Variants in DPP6 observed in about 807,000 individuals in gnomAD.
DPP6 encodes dipeptidyl peptidase like 6, also known as A-type potassium channel modulatory protein DPP6.
Under a neutral mutation model 122.6 loss-of-function variants are expected in DPP6, and 69 were observed. The observed-to-expected ratio is 0.56, with a 90% CI of 0.46 to 0.69. DPP6 has a LOEUF of 0.69. DPP6 is among the 30% of genes least tolerant of loss of function. The probability of loss-of-function intolerance (pLI) is 0.00; values close to 1 mark genes in which losing one functional copy is unlikely to be tolerated. For missense variants in DPP6, 928 were observed against 1,116.9 expected (o/e 0.83, Z 2.41); for synonymous variants, 418 against 433.1 (o/e 0.97, Z 0.43).
At chr7:154,284,071 C>T (rs1439531499) in intron 1 of DPP6, among the ~76,000 whole-genome samples, 5 of 144,372 alleles carry the variant, frequency 3.5e-5, no homozygotes, top group Admixed American at 7.1e-5. Flanking sequence ...GTTTGATAAA[C>T]GGGGAAGCTG....
At chr7:154,547,359 G>A (rs1829281176) in intron 4 of DPP6, among the ~76,000 whole-genome samples, 1 of 152,214 alleles carries the variant, frequency 6.6e-6, no homozygotes, top group African/African-American at 2.4e-5. Flanking sequence ...TTGGCCCACA[G>A]AGTGGTTTTT....
intron 15 of DPP6, among the ~76,000 whole-genome samples, chr7:154,805,801 G>C (rs1032163387): frequency 1.3e-5 from 2 of 152,206 alleles, no homozygotes; most frequent in African/African-American, 4.8e-5. Context: ...CTTTCTACCA[G>C]GGCCACAGAG....
At chr7:154,367,771 T>G (rs1023127306) in intron 1 of DPP6, among the ~76,000 whole-genome samples, 28 of 152,322 alleles carry the variant, frequency 1.8e-4, no homozygotes, top group Admixed American at 1.4e-3. Context: ...ATTTCAATTG[T>G]GTGTGTATGC....
At chr7:154,497,778 C>G (rs1201396342) in intron 3 of DPP6, among the ~76,000 whole-genome samples, 2 of 151,974 alleles carry the variant, frequency 1.3e-5, no homozygotes, top group Non-Finnish European at 2.9e-5. Flanking sequence ...GAGGAAAAAG[C>G]CTGGGAAGGA....
intron 1 of DPP6, among the ~76,000 whole-genome samples, chr7:154,335,906 A>G (rs1809375153): frequency 6.6e-6 from 1 of 151,970 alleles, no homozygotes; most frequent in African/African-American, 2.4e-5. Context: ...AGAGCATGCT[A>G]TTTGCCACAT....
chr7:153,851,154 TTC>T, the DPP6 span, among the ~76,000 whole-genome samples: 2 of 152,238 alleles, frequency 1.3e-5, no homozygotes, highest in Non-Finnish European at 2.9e-5. Context: ...AGCGTGGAGT[TTC>T]TTTCTCACCT....
intron 5 of DPP6, among the ~76,000 whole-genome samples, chr7:154,567,597 G>A (rs889746061): frequency 6.6e-6 from 1 of 152,216 alleles, no homozygotes; most frequent in Non-Finnish European, 1.5e-5. Flanking sequence ...AGGATGTTCA[G>A]TTTACAAGAG....
intron 5 of DPP6, among the ~76,000 whole-genome samples, chr7:154,619,685 G>T (rs534179832): frequency 6.6e-6 from 1 of 152,306 alleles, no homozygotes; most frequent in Non-Finnish European, 1.5e-5. Context: ...ACTTTGTTTT[G>T]TGTGTATTTA....
At chr7:154,297,993 T>C (rs918209935) in intron 1 of DPP6, among the ~76,000 whole-genome samples, 1 of 152,174 alleles carries the variant, frequency 6.6e-6, no homozygotes, top group Non-Finnish European at 1.5e-5. Context: ...CTGTGGAGTT[T>C]TGTTTTGAAG....
chr7:154,851,774 T>C (rs1584893092), intron 16 of DPP6, among the ~76,000 whole-genome samples: 1 of 143,536 alleles, frequency 7.0e-6, no homozygotes, highest in African/African-American at 2.8e-5. Flanking sequence ...AGTAAGAAAA[T>C]ACTTATTCTT....
intron 2 of DPP6, among the ~76,000 whole-genome samples, chr7:154,449,812 A>G (rs376489177): frequency 2.6e-5 from 4 of 152,052 alleles, no homozygotes. Context: ...CCGAGACCAT[A>G]CTGGCTAACA....
At chr7:154,677,410 T>TGAC (rs1193085145) in intron 7 of DPP6, among the ~76,000 whole-genome samples, 5 of 152,238 alleles carry the variant, frequency 3.3e-5, no homozygotes, top group Admixed American at 3.3e-4. Flanking sequence ...GCACTCGTGC[T>TGAC]GACTTACCTT....
intron 1 of DPP6, among the ~76,000 whole-genome samples, chr7:153,987,425 C>T (rs985358848): frequency 4.6e-5 from 7 of 152,194 alleles, no homozygotes; most frequent in African/African-American, 1.4e-4. Context: ...TAGAACGAAA[C>T]TTCTCTTGGA....
intron 15 of DPP6, 67 bp downstream of exon 15, chr7:154,805,031 G>C (rs530172107): frequency 6.5e-7 from 1 of 1,540,802 alleles, no homozygotes; most frequent in Admixed American, 1.9e-5. Context: ...TTGCAGAATT[G>C]CACCTTTTCA....
the DPP6 span, among the ~76,000 whole-genome samples, chr7:153,871,503 G>A: frequency 6.6e-6 from 1 of 152,328 alleles, no homozygotes; most frequent in Admixed American, 6.5e-5. Flanking sequence ...GTTTGGAAAA[G>A]CGCAGTATTA....
chr7:154,539,191 C>T (rs1292623187), intron 3 of DPP6, among the ~76,000 whole-genome samples: 1 of 152,126 alleles, frequency 6.6e-6, no homozygotes, highest in African/African-American at 2.4e-5. Context: ...TTTCCTTCTC[C>T]CCACTGTGGG....
At position 154,875,945 on chromosome 7, in the gene DPP6, C is replaced by T. The variant is rs745857465; in HGVS notation, c.1923C>T (p.Phe641=). The T allele has an allele frequency of 8.7e-6, 14 of 1,613,166 alleles. No homozygotes were observed. The highest frequency in any genetic ancestry group is 1.0e-5 in the Non-Finnish European group (12 of 1,179,680). The stretch of plus-strand genomic sequence containing the variant: ...GCAGCCAGAGTGTGGCTGAGAAGTT[C>T]GAGGTGAGCTGGGAGACGGTGATGG... ...TPGSQSVAEK[F]EVSWETVMVS... The change falls in exon 20 of 26, where the codon TTC becomes TTT. Residue 641 remains phenylalanine (F), a synonymous_variant. Transcript: ENST00000377770. The surrounding 1 kb of genome is among the most constrained non-coding windows in gnomAD (Gnocchi z 4.5).
chr7:153,848,260 C>T, the DPP6 span, among the ~76,000 whole-genome samples: 56 of 150,500 alleles, frequency 3.7e-4, no homozygotes, highest in Non-Finnish European at 6.7e-4. Context: ...TCCCCCAACC[C>T]CTACCCCCAC....
At chr7:154,130,111 G>T (rs1225446157) in intron 1 of DPP6, among the ~76,000 whole-genome samples, 1 of 151,758 alleles carries the variant, frequency 6.6e-6, no homozygotes, top group Non-Finnish European at 1.5e-5. Flanking sequence ...AAAAAAAAAG[G>T]AAAGAAAAAA....
Sources: gnomAD v4.1 joint callset for allele counts (sites outside exome capture counted in the v4.1 genomes callset) on GRCh38, gnomAD v4.1.1 for gene constraint, Gnocchi (gnomAD v3.1) non-coding constraint, MANE v1.5 for transcripts, NCBI Gene and HGNC (gene_info 2026-07-23, HGNC 2026-07-21) for gene names.